Variants in CHST8 observed in about 807,000 individuals in gnomAD.
CHST8 encodes the protein carbohydrate sulfotransferase 8.
Under a neutral mutation model 15.0 loss-of-function variants are expected in CHST8, and 10 were observed. The observed-to-expected ratio is 0.67, with a 90% CI of 0.41 to 1.13. The LOEUF (loss-of-function observed/expected upper bound fraction) is 1.13, where lower values mean the gene tolerates loss of function less well. CHST8 is among the 50% of genes most tolerant of loss of function. CHST8 has a pLI of 0.00. For synonymous variants in CHST8, 259 were observed against 256.6 expected (o/e 1.01, Z -0.09); for missense variants, 634 against 608.2 (o/e 1.04, Z -0.45).
At chr19:33,634,321 G>A (rs1338331189) in intron 1 of CHST8, among the ~76,000 whole-genome samples, 1 of 152,140 alleles carries the variant, frequency 6.6e-6, no homozygotes, top group Admixed American at 6.5e-5. Flanking sequence ...GATGACGAAT[G>A]CAGTTCATTT....
Position 33,724,190 on chromosome 19 carries a change from C to A in CHST8, c.130+34799C>A, listed in dbSNP as rs114307762. Among the ~76,000 whole-genome samples, 1,367 of 152,208 alleles carry A rather than the reference C, an allele frequency of 9.0e-3. 20 individuals carry two copies. The highest frequency in any genetic ancestry group is 0.031 in the African/African-American group (1,283 of 41,528). On this transcript the variant is annotated intron_variant, in intron 3 of 4. Coordinates refer to ENST00000650847, the MANE Select transcript of CHST8 (RefSeq NM_001127895.2). ...GGCCTCAAGCTTTAGATGAGCCTAGCCTCCTGACCAGGCTCCACCGGTTAC... is the reference window on the plus strand; with the variant it reads ...GGCCTCAAGCTTTAGATGAGCCTAGACTCCTGACCAGGCTCCACCGGTTAC...
chr19:33,710,234 CAA>C lies in CHST8; in HGVS notation c.130+20845_130+20846del, dbSNP rs76051288. On this transcript the variant is annotated intron_variant, in intron 3 of 4. Coordinates refer to ENST00000650847, the MANE Select transcript of CHST8 (RefSeq NM_001127895.2). The stretch of plus-strand genomic sequence containing the variant: ...TTTGTATTGTCTCTCTGTTTTCTTT[CAA>C]AGTCTAGCTAAAGGTTTGTCAATTT... Among the ~76,000 whole-genome samples the C allele has an allele frequency of 5.4e-4, 82 of 152,284 alleles. No individual in the cohort carries two copies. In the East Asian group the frequency reaches 0.013, roughly 25 times the overall value.
At chr19:33,749,343 G>C (rs1974370745) in intron 3 of CHST8, among the ~76,000 whole-genome samples, 1 of 151,996 alleles carries the variant, frequency 6.6e-6, no homozygotes, top group Non-Finnish European at 1.5e-5. Flanking sequence ...TCAAGCTGGG[G>C]CAAAATAATA....
intron 3 of CHST8, among the ~76,000 whole-genome samples, chr19:33,766,866 A>G (rs4805058): frequency 0.021 from 3,156 of 152,332 alleles, 51 homozygotes; most frequent in Non-Finnish European, 0.027. Context: ...CTCAGCCACC[A>G]GAAGCCCCGG....
At chr19:33,727,975 G>T (rs1440155392) in intron 3 of CHST8, among the ~76,000 whole-genome samples, 1 of 152,216 alleles carries the variant, frequency 6.6e-6, no homozygotes, top group South Asian at 2.1e-4. Flanking sequence ...AGCAGGCTGC[G>T]GGCAGCTGAG....
intron 3 of CHST8, among the ~76,000 whole-genome samples, chr19:33,704,920 A>T (rs1349286393): frequency 6.6e-6 from 1 of 152,120 alleles, no homozygotes; most frequent in Non-Finnish European, 1.5e-5. Flanking sequence ...AAAAAAAAAA[A>T]AAAAAGCTAA....
At chr19:33,716,325 G>A (rs553304486) in intron 3 of CHST8, among the ~76,000 whole-genome samples, 2 of 152,214 alleles carry the variant, frequency 1.3e-5, no homozygotes, top group East Asian at 3.9e-4. Context: ...ATGAGCCCTA[G>A]TTACCCATTC....
chr19:33,758,570 G>A (rs925653699), intron 3 of CHST8, among the ~76,000 whole-genome samples: 5 of 152,186 alleles, frequency 3.3e-5, no homozygotes, highest in African/African-American at 9.7e-5. Flanking sequence ...AGGCCAGCTC[G>A]GTAATTGACG....
intron 3 of CHST8, among the ~76,000 whole-genome samples, chr19:33,696,616 C>T (rs1973221876): frequency 6.6e-6 from 1 of 152,000 alleles, no homozygotes; most frequent in Non-Finnish European, 1.5e-5. Flanking sequence ...ATGTAACGTG[C>T]TTGAACCACC....
At chr19:33,636,518 G>T (rs117830085) in intron 1 of CHST8, among the ~76,000 whole-genome samples, 1 of 152,198 alleles carries the variant, frequency 6.6e-6, no homozygotes, top group East Asian at 1.9e-4. Flanking sequence ...ACAGGAAAGG[G>T]GTCCCGATCC....
At chr19:33,708,498 G>T (rs34698289) in intron 3 of CHST8, among the ~76,000 whole-genome samples, 1 of 152,122 alleles carries the variant, frequency 6.6e-6, no homozygotes, top group Non-Finnish European at 1.5e-5. Context: ...GTTCCCTATC[G>T]AATTGCCTTC....
intron 3 of CHST8, among the ~76,000 whole-genome samples, chr19:33,704,870 C>T (rs1441424798): frequency 1.4e-5 from 2 of 147,832 alleles, no homozygotes. Flanking sequence ...AAATCACGCA[C>T]TACATTCCAG....
chr19:33,634,677 CAA>C (rs3040761), intron 1 of CHST8, among the ~76,000 whole-genome samples: 1,434 of 52,260 alleles, frequency 0.027, 7 homozygotes, highest in East Asian at 0.035. Context: ...GTCACGAAAC[CAA>C]AAAAAAAAAA....
chr19:33,706,468 A>G (rs985593007), intron 3 of CHST8, among the ~76,000 whole-genome samples: 1 of 152,162 alleles, frequency 6.6e-6, no homozygotes, highest in Non-Finnish European at 1.5e-5. Flanking sequence ...TGTGGAAAGC[A>G]CTTCACCCTG....
intron 1 of CHST8, among the ~76,000 whole-genome samples, chr19:33,639,203 G>A (rs1448824784): frequency 6.6e-6 from 1 of 152,130 alleles, no homozygotes; most frequent in Non-Finnish European, 1.5e-5. Flanking sequence ...ATTCTAGCAG[G>A]GGAGTGGCAT....
chr19:33,692,016 C>G lies in CHST8; in HGVS notation c.130+2625C>G, dbSNP rs1270470252. ...CTTGGGGCCTGGCCTCATTCACGTC[C>G]CTCCCACGCAGCCACCGGATATTAA... On this transcript the variant is annotated intron_variant, in intron 3 of 4. Coordinates refer to ENST00000650847, the MANE Select transcript of CHST8 (RefSeq NM_001127895.2). Among the ~76,000 whole-genome samples the G allele has an allele frequency of 2.6e-5, 4 of 152,100 alleles. No individual in the cohort carries two copies. In the East Asian group the frequency reaches 7.7e-4, roughly 29 times the overall value.
chr19:33,645,650 A>T (rs1243289753), intron 1 of CHST8, among the ~76,000 whole-genome samples: 2 of 152,226 alleles, frequency 1.3e-5, no homozygotes, highest in Non-Finnish European at 1.5e-5. Flanking sequence ...GGTGAAGGAC[A>T]TACAGGATTT....
chr19:33,675,656 G>GGA (rs1471260498), intron 2 of CHST8, among the ~76,000 whole-genome samples: 1 of 152,208 alleles, frequency 6.6e-6, no homozygotes, highest in Non-Finnish European at 1.5e-5. Flanking sequence ...CTGTAGGTCA[G>GGA]GGCTGAGCCT....
chr19:33,700,358 G>T (rs1973307488), intron 3 of CHST8, among the ~76,000 whole-genome samples: 1 of 152,234 alleles, frequency 6.6e-6, no homozygotes, highest in South Asian at 2.1e-4. Flanking sequence ...AATCAGCAGG[G>T]CTGGAACTCT....
Sources: gnomAD v4.1 joint callset for allele counts (sites outside exome capture counted in the v4.1 genomes callset) on GRCh38, gnomAD v4.1.1 for gene constraint, MANE v1.5 for transcripts, NCBI Gene and HGNC (gene_info 2026-07-23, HGNC 2026-07-21) for gene names.